ITPR2: variants seen among roughly 807,000 people sequenced by gnomAD.
The protein encoded by ITPR2 is inositol 1,4,5-trisphosphate receptor type 2.
ITPR2 carries 207 observed loss-of-function variants against 317.1 expected under a neutral mutation model. The ratio of observed to expected loss-of-function variants is 0.65; its 90% CI spans 0.58 to 0.73. ITPR2 has a LOEUF of 0.73. Among genes scored for constraint, ITPR2 ranks in the 30% least tolerant of loss-of-function variants. The pLI, the probability that ITPR2 is intolerant of heterozygous loss-of-function variation, is 0.00. For missense variants in ITPR2, 2,613 were observed against 3,284.0 expected, an observed-to-expected ratio of 0.80 and a Z score of 4.99; for synonymous variants, 1,156 against 1,149.1, an observed-to-expected ratio of 1.01 and a Z score of -0.12.
At chr12:26,482,172 A>G (rs1448252788) in intron 42 of ITPR2, among the ~76,000 whole-genome samples, 1 of 152,174 alleles carries the variant, frequency 6.6e-6, no homozygotes, top group African/African-American at 2.4e-5. Context: ...CACAGAGGAA[A>G]GGTGTTTTCT....
chr12:26,508,689 A>T (rs765657593), intron 37 of ITPR2, among the ~76,000 whole-genome samples: 1 of 152,188 alleles, frequency 6.6e-6, no homozygotes, highest in African/African-American at 2.4e-5. Flanking sequence ...ACCATCTCAC[A>T]CCCACTAGAA....
intron 45 of ITPR2, among the ~76,000 whole-genome samples, chr12:26,473,735 A>C (rs550255240): frequency 2.0e-5 from 3 of 151,954 alleles, no homozygotes; most frequent in Non-Finnish European, 4.4e-5. Flanking sequence ...TTTCCTTTCT[A>C]CTCACATTCA....
In ITPR2 at chr12:26,561,945, AT is replaced by A; in HGVS notation, c.4637del (p.Asn1546IlefsTer19). On this transcript the variant is annotated frameshift_variant, in exon 35 of 57. Coordinates refer to ENST00000381340, the MANE Select transcript of ITPR2 (RefSeq NM_002223.4). LOFTEE classifies it high-confidence loss of function. The stretch of plus-strand genomic sequence containing the variant: ...AATCCACTGGAATGGCAATTCCACG[AT>A]TTTTTGCTGAAAAAGAAAGATTTAA... ...CIRTLAEVAK[N>X]RGIAIPVDLD... 1.3e-6 allele frequency: 2 copies of A among 1,509,696 alleles called. No homozygotes were observed. The highest frequency in any genetic ancestry group is 2.7e-5 in the South Asian group (2 of 73,302). The allele number at this position is 1,509,696 out of a possible 1,614,324, so 93.5% of individuals were successfully genotyped here. A position where few individuals can be genotyped will look rare whatever the true frequency, so the allele number is the denominator to read the frequency against.
intron 28 of ITPR2, among the ~76,000 whole-genome samples, chr12:26,602,145 TA>T (rs1414121173): frequency 6.6e-6 from 1 of 151,808 alleles, no homozygotes; most frequent in Non-Finnish European, 1.5e-5. Flanking sequence ...TAGGTGGCAG[TA>T]AAGTGCCTTG....
In ITPR2 at chr12:26,682,006, T is replaced by G. The variant is rs1948042865; in HGVS notation, c.1277A>C (p.Lys426Thr). The stretch of plus-strand genomic sequence containing the variant: ...AACAGACACGATTGCGAACGCTTCT[T>G]TATCTTCTTTGGTTTGGCAGGTTCC... ...KIGTCQTKED[K>T]EAFAIVSVPL... The change falls in exon 13 of 57, where the codon AAA becomes ACA. Residue 426 changes from lysine to threonine, a missense_variant. Lys to Thr is a moderately conservative substitution (Grantham distance 78, BLOSUM62 -1). Around this residue, in one of 9 missense-constraint regions of ITPR2, gnomAD observed 515 missense variants for 789.4 expected, o/e 0.65. Transcript: ENST00000381340. The G allele has an allele frequency of 8.1e-6, 13 of 1,613,280 alleles. No homozygotes were observed. The highest frequency in any genetic ancestry group is 1.1e-5 in the Non-Finnish European group (13 of 1,179,562).
chr12:26,593,409 GA>G (rs929931920), intron 32 of ITPR2, among the ~76,000 whole-genome samples: 2 of 152,132 alleles, frequency 1.3e-5, no homozygotes, highest in Non-Finnish European at 2.9e-5. Flanking sequence ...TTTATAACTT[GA>G]ATTTGAAAGT....
chr12:26,610,599 A>T (rs1455006095), intron 26 of ITPR2, among the ~76,000 whole-genome samples: 1 of 152,182 alleles, frequency 6.6e-6, no homozygotes, highest in African/African-American at 2.4e-5. Context: ...AAATCTGCAA[A>T]CTATAATTCA....
At chr12:26,370,413 T>A (rs1303914152) in intron 55 of ITPR2, among the ~76,000 whole-genome samples, 1 of 152,068 alleles carries the variant, frequency 6.6e-6, no homozygotes, top group African/African-American at 2.4e-5. Context: ...GGGGAGAAAT[T>A]TTTATCCACA....
At chr12:26,578,896 T>C in intron 33 of ITPR2, 63 bp from the exon 34 acceptor site, 1 of 1,479,184 alleles carries the variant, frequency 6.8e-7, no homozygotes, top group Non-Finnish European at 9.2e-7. Flanking sequence ...TGATGTAGCA[T>C]CTATGCATTC....
rs537382648 is a variant in ITPR2 at position 26,782,276 on chromosome 12, T to A, written c.163+7881A>T. Among the ~76,000 whole-genome samples, 41 of 151,942 alleles carry A rather than the reference T, an allele frequency of 2.7e-4. No individual in the cohort carries two copies. The South Asian group carries it at 3.7e-3, about 14-fold the overall frequency. ...AACTCAAATGCACTATGTTCAGTTC[T>A]TTATACACAGCTCAGAATTAAATTG... On this transcript the variant is annotated intron_variant, in intron 2 of 56. Transcript: ENST00000381340.
At chr12:26,821,018 C>T (rs1950930583) in intron 1 of ITPR2, among the ~76,000 whole-genome samples, 1 of 152,142 alleles carries the variant, frequency 6.6e-6, no homozygotes, top group African/African-American at 2.4e-5. Flanking sequence ...TACAGAGTTT[C>T]TGTCTGGGAT....
chr12:26,405,000 G>A (rs1940301657), intron 52 of ITPR2, among the ~76,000 whole-genome samples: 1 of 152,128 alleles, frequency 6.6e-6, no homozygotes, highest in Non-Finnish European at 1.5e-5. Context: ...TGAGCATGGT[G>A]GCACAAGCCT....
At chr12:26,659,420 A>G (rs946540755) in intron 15 of ITPR2, 135 bp from the exon 16 acceptor site, 63 of 710,910 alleles carry the variant, frequency 8.9e-5, no homozygotes, top group Non-Finnish European at 9.6e-5. Context: ...AAAAGCAAGT[A>G]AATTTTTCAA....
At chr12:26,659,728 A>T (rs910394291) in intron 15 of ITPR2, among the ~76,000 whole-genome samples, 2 of 152,190 alleles carry the variant, frequency 1.3e-5, no homozygotes, top group African/African-American at 4.8e-5. Context: ...TCTCTTACTT[A>T]AAGTCATAGC....
At chr12:26,632,104 G>T in intron 21 of ITPR2, 45 bp from the exon 22 acceptor site, 1 of 1,442,950 alleles carries the variant, frequency 6.9e-7, no homozygotes, top group Non-Finnish European at 9.2e-7. Context: ...AACCCCTGGA[G>T]ATCATGTAAC....
chr12:26,528,643 T>A (rs117472766), intron 37 of ITPR2, among the ~76,000 whole-genome samples: 21 of 152,360 alleles, frequency 1.4e-4, no homozygotes, highest in Non-Finnish European at 1.8e-4. Flanking sequence ...AACTACATTT[T>A]CCCTTTTGAT....
rs1950158698 is a variant in ITPR2, at chr12:26,784,318, T to TCCC, written c.163+5838_163+5839insGGG. Among the ~76,000 whole-genome samples the TCCC allele has an allele frequency of 7.1e-5, 2 of 28,304 alleles. 1 individual carries two copies. Among genetic ancestry groups the TCCC allele is most frequent in the Non-Finnish European group, 1.5e-4 (2 of 13,560 alleles). The allele number at this position is 28,304 out of a possible 152,430, so 18.6% of individuals were successfully genotyped here. On this transcript the variant is annotated intron_variant, in intron 2 of 56. Coordinates refer to ENST00000381340, the MANE Select transcript of ITPR2 (RefSeq NM_002223.4). The stretch of plus-strand genomic sequence containing the variant: ...CTCCCTCTCCCTCTCCCTCTCCCTC[T>TCCC]GCCTCTCCCTCTCCCTCTCCCTCTC...
intron 8 of ITPR2, among the ~76,000 whole-genome samples, chr12:26,711,830 C>T (rs935887427): frequency 2.0e-5 from 3 of 152,124 alleles, no homozygotes; most frequent in South Asian, 4.2e-4. Context: ...TGAGCTGAAA[C>T]CTGGAGGATG....
intron 19 of ITPR2, 48 bp downstream of exon 19, chr12:26,656,249 A>G: frequency 1.2e-6 from 2 of 1,601,676 alleles, no homozygotes; most frequent in Admixed American, 3.4e-5. Flanking sequence ...TTTGACGTGG[A>G]GTTCATCTGA....
Sources: gnomAD v4.1 joint callset for allele counts (sites outside exome capture counted in the v4.1 genomes callset) on GRCh38, gnomAD v4.1.1 for gene constraint, gnomAD v4.1.1 regional missense constraint, MANE v1.5 for transcripts, NCBI Gene and HGNC (gene_info 2026-07-23, HGNC 2026-07-21) for gene names.